Variants in MALRD1 observed in about 807,000 individuals in gnomAD.
MALRD1 encodes MAM and LDL-receptor class A domain-containing protein 1.
MALRD1 carries 247 observed loss-of-function variants against 242.1 expected under a neutral mutation model. That is an observed-to-expected ratio of 1.02 (90% confidence interval 0.92 to 1.13). The LOEUF (loss-of-function observed/expected upper bound fraction) is 1.13. MALRD1 is among the 50% of genes most tolerant of loss of function. The pLI, the probability that MALRD1 is intolerant of heterozygous loss-of-function variation, is 0.00. For synonymous variants in MALRD1, 995 were observed against 866.6 expected (o/e 1.15, Z -2.60); for missense variants, 2,989 against 2,533.1 (o/e 1.18, Z -3.86).
chr10:19,096,494 C>T (rs1156718927), intron 4 of MALRD1, among the ~76,000 whole-genome samples: 5 of 152,152 alleles, frequency 3.3e-5, no homozygotes, highest in Admixed American at 6.5e-5. Flanking sequence ...CGGGATCCTT[C>T]GGCTACACCA....
At chr10:19,274,525 A>G (rs1215417735) in intron 19 of MALRD1, among the ~76,000 whole-genome samples, 1 of 152,194 alleles carries the variant, frequency 6.6e-6, no homozygotes, top group East Asian at 1.9e-4. Flanking sequence ...TACAAGGAGA[A>G]AATGGCCATC....
chr10:19,171,981 CATATAATATAT>C (rs1564441258), intron 13 of MALRD1, among the ~76,000 whole-genome samples: 5 of 25,914 alleles, frequency 1.9e-4, no homozygotes, highest in African/African-American at 7.1e-4. Context: ...TGATATATAT[CATATAATATAT>C]GTATATATCA....
intron 38 of MALRD1, chr10:19,721,865 A>G (rs1357988014): frequency 1.3e-5 from 2 of 152,262 alleles, no homozygotes; most frequent in East Asian, 1.9e-4. Context: ...ATGGAAAAAA[A>G]CAGAGGGCAG....
intron 33 of MALRD1, among the ~76,000 whole-genome samples, chr10:19,590,719 G>A (rs1185923137): frequency 6.6e-6 from 1 of 152,090 alleles, no homozygotes; most frequent in Non-Finnish European, 1.5e-5. Context: ...GTGTGTCTGT[G>A]TGTGTGTATG....
At chr10:19,581,802 T>A (rs958740693) in intron 33 of MALRD1, among the ~76,000 whole-genome samples, 5 of 151,190 alleles carry the variant, frequency 3.3e-5, no homozygotes, top group African/African-American at 1.2e-4. Context: ...CACACTGACT[T>A]CCACAATGGT....
chr10:19,584,734 A>C (rs903723725), intron 33 of MALRD1, among the ~76,000 whole-genome samples: 8 of 152,012 alleles, frequency 5.3e-5, no homozygotes, highest in Non-Finnish European at 2.9e-5. Context: ...GTAGATGTCT[A>C]TTAGGTCCAC....
intron 29 of MALRD1, chr10:19,489,160 A>C: frequency 2.1e-6 from 1 of 469,642 alleles, no homozygotes; most frequent in Non-Finnish European, 4.4e-6. Flanking sequence ...ACAGGAGGTC[A>C]GCGCTGTTGT....
intron 21 of MALRD1, among the ~76,000 whole-genome samples, chr10:19,287,234 A>G (rs1024924324): frequency 7.2e-5 from 11 of 151,890 alleles, no homozygotes; most frequent in Admixed American, 3.9e-4. Context: ...ATTCCTCTAT[A>G]CTTTTCTCAC....
intron 5 of MALRD1, among the ~76,000 whole-genome samples, chr10:19,122,192 C>G (rs1837089035): frequency 6.6e-6 from 1 of 152,090 alleles, no homozygotes; most frequent in Non-Finnish European, 1.5e-5. Flanking sequence ...AGGGAAATAA[C>G]TGAAAATAAT....
chr10:19,432,029 GA>G (rs1834153364), intron 28 of MALRD1, among the ~76,000 whole-genome samples: 1 of 151,988 alleles, frequency 6.6e-6, no homozygotes, highest in African/African-American at 2.4e-5. Context: ...AATATAGTGT[GA>G]AAGACAGTGA....
chr10:19,114,586 C>T (rs1444685884), intron 5 of MALRD1, among the ~76,000 whole-genome samples: 1 of 152,006 alleles, frequency 6.6e-6, no homozygotes, highest in African/African-American at 2.4e-5. Flanking sequence ...CACCACTGCA[C>T]TCCAGCCTAG....
intron 29 of MALRD1, among the ~76,000 whole-genome samples, chr10:19,477,831 T>A (rs1230518719): frequency 1.3e-5 from 2 of 152,192 alleles, no homozygotes; most frequent in Non-Finnish European, 2.9e-5. Flanking sequence ...CCCACCGTAA[T>A]CTTTTATTAT....
At chr10:19,207,703 T>C (rs943297726) in intron 17 of MALRD1, among the ~76,000 whole-genome samples, 1 of 152,076 alleles carries the variant, frequency 6.6e-6, no homozygotes, top group Non-Finnish European at 1.5e-5. Context: ...GGTTTCAGCA[T>C]GTTGGTTGGG....
intron 21 of MALRD1, among the ~76,000 whole-genome samples, chr10:19,294,115 AAAT>A (rs1430010956): frequency 7.2e-5 from 11 of 152,188 alleles, no homozygotes; most frequent in Non-Finnish European, 1.6e-4. Flanking sequence ...ACTAATAATA[AAAT>A]AATAACTTTT....
chr10:19,237,908 A>ACAG (rs1838448820), intron 18 of MALRD1, among the ~76,000 whole-genome samples: 13 of 107,364 alleles, frequency 1.2e-4, no homozygotes, highest in South Asian at 5.8e-4. Flanking sequence ...ATAATTTTAT[A>ACAG]TAGTTATATA....
At chr10:19,050,432 A>T (rs1834459210) in intron 1 of MALRD1, among the ~76,000 whole-genome samples, 1 of 152,058 alleles carries the variant, frequency 6.6e-6, no homozygotes, top group Admixed American at 6.5e-5. Flanking sequence ...TGTTTACAGA[A>T]TTCATTCTTT....
intron 31 of MALRD1, among the ~76,000 whole-genome samples, chr10:19,510,598 G>C (rs1032837345): frequency 1.3e-5 from 2 of 151,956 alleles, no homozygotes; most frequent in Non-Finnish European, 2.9e-5. Flanking sequence ...ACCTTGAGTC[G>C]ACACAGCACA....
intron 15 of MALRD1, 56 bp from the exon 16 acceptor site, chr10:19,204,252 C>T: frequency 9.1e-7 from 1 of 1,102,276 alleles, no homozygotes; most frequent in Non-Finnish European, 1.3e-6. Flanking sequence ...ACAGATGTCT[C>T]ATTTTAGAAT....
At chr10:19,566,298 A>ATTTTTTT (rs10548629) in intron 32 of MALRD1, among the ~76,000 whole-genome samples, 138 of 111,004 alleles carry the variant, frequency 1.2e-3, no homozygotes, top group African/African-American at 3.5e-3. Context: ...TGCCTGGCTA[A>ATTTTTTT]TTTTTTTTTT....
Sources: allele counts gnomAD v4.1 joint callset (sites outside exome capture counted in the v4.1 genomes callset), GRCh38; gene constraint gnomAD v4.1.1; transcripts MANE v1.5; gene names NCBI Gene and HGNC (gene_info 2026-07-23, HGNC 2026-07-21).